The following DOCK5 variants were observed in gnomAD, a reference collection of about 807,000 sequenced individuals.
The protein encoded by DOCK5 is dedicator of cytokinesis protein 5.
In DOCK5, 142 loss-of-function variants were observed where a neutral mutation model predicts 251.8. The ratio of observed to expected loss-of-function variants is 0.56; its 90% CI spans 0.49 to 0.65. The LOEUF is 0.65. Ranked by LOEUF, DOCK5 falls within the 30% of genes least tolerant of loss-of-function variation. The probability of loss-of-function intolerance (pLI) is 0.00; values close to 1 mark genes in which losing one functional copy is unlikely to be tolerated. For synonymous variants in DOCK5, 842 were observed against 835.5 expected, an observed-to-expected ratio of 1.01 and a Z score of -0.13; for missense variants, 2,111 against 2,312.3, an observed-to-expected ratio of 0.91 and a Z score of 1.79.
chr8:25,224,066 T>TCATGCTTTC (rs975898431), intron 1 of DOCK5, among the ~76,000 whole-genome samples: 12 of 152,208 alleles, frequency 7.9e-5, no homozygotes, highest in Non-Finnish European at 1.8e-4. Context: ...TATCCTTTTT[T>TCATGCTTTC]CATGCTTTCC....
intron 27 of DOCK5, among the ~76,000 whole-genome samples, chr8:25,356,126 G>A (rs1356209419): frequency 4.6e-5 from 7 of 151,814 alleles, no homozygotes; most frequent in Admixed American, 1.3e-4. Flanking sequence ...CTTGAACCCC[G>A]GAGGCAGAGC....
chr8:25,348,810 C>T (rs1303246119), intron 26 of DOCK5, among the ~76,000 whole-genome samples: 1 of 150,730 alleles, frequency 6.6e-6, no homozygotes, highest in African/African-American at 2.5e-5. Flanking sequence ...TGCACTCCAG[C>T]TTGGGCAACA....
At chr8:25,391,772 A>AT in intron 42 of DOCK5, 124 bp from the exon 43 acceptor site, 1 of 673,214 alleles carries the variant, frequency 1.5e-6, no homozygotes, top group South Asian at 2.2e-5. Context: ...GGCACTATTG[A>AT]TTATGAGATA....
rs182135721 is a variant in DOCK5, at chr8:25,231,083, T to A, written c.44-12591T>A. Among the ~76,000 whole-genome samples the A allele has an allele frequency of 2.6e-3, 396 of 152,244 alleles. 3 individuals carry two copies. Among genetic ancestry groups the A allele is most frequent in the African/African-American group, 9.0e-3 (375 of 41,550 alleles). On this transcript the variant is annotated intron_variant, in intron 1 of 51. Transcript: ENST00000276440. ...TTTCCTCCTTTTTTTTCTGTAGTTT[T>A]ATCATCCATACACATATGTATATGC...
intron 3 of DOCK5, among the ~76,000 whole-genome samples, chr8:25,271,974 C>T (rs1803924003): frequency 1.3e-5 from 2 of 152,194 alleles, no homozygotes; most frequent in African/African-American, 4.8e-5. Context: ...AACAAATACA[C>T]ACATACTGTA....
chr8:25,296,094 A>G (rs1230739994), intron 6 of DOCK5, among the ~76,000 whole-genome samples: 1 of 152,214 alleles, frequency 6.6e-6, no homozygotes, highest in African/African-American at 2.4e-5. Flanking sequence ...TGCTAGGATT[A>G]CAGACGTGAA....
chr8:25,331,671 T>G (rs1007634161), intron 18 of DOCK5, among the ~76,000 whole-genome samples: 13 of 151,980 alleles, frequency 8.6e-5, no homozygotes, highest in African/African-American at 3.1e-4. Flanking sequence ...TAAAATTCCA[T>G]TTCTACCTCT....
intron 18 of DOCK5, among the ~76,000 whole-genome samples, chr8:25,330,529 A>G (rs903290551): frequency 1.3e-5 from 2 of 152,124 alleles, no homozygotes; most frequent in Admixed American, 6.6e-5. Flanking sequence ...TAGTGATTGG[A>G]TTTCTCTGAC....
chr8:25,388,972 C>G, intron 40 of DOCK5, 119 bp from the exon 41 acceptor site: 1 of 915,624 alleles, frequency 1.1e-6, no homozygotes, highest in South Asian at 1.7e-5. Flanking sequence ...TCAGTGAGAA[C>G]TTGATGGTGG....
chr8:25,352,118 T>G (rs1586353579), intron 27 of DOCK5, among the ~76,000 whole-genome samples: 1 of 145,952 alleles, frequency 6.9e-6, no homozygotes. Flanking sequence ...GAGGCTAAGG[T>G]GGGAGGATCA....
In DOCK5 at chr8:25,231,829, A is replaced by AT. The variant is rs548468578; in HGVS notation, c.44-11837dup. Among the ~76,000 whole-genome samples the AT allele has an allele frequency of 3.5e-3, 532 of 151,980 alleles. 1 individual carries two copies. Among genetic ancestry groups the AT allele is most frequent in the Middle Eastern group, 6.8e-3 (2 of 294 alleles). On this transcript the variant is annotated intron_variant, in intron 1 of 51. Transcript: ENST00000276440. ...GGTGTTTTCTAGATGTGTATGATGGATTTTTTTTCTACTTTGCTGACAGGT... is the reference window on the plus strand; with the variant it reads ...GGTGTTTTCTAGATGTGTATGATGGATTTTTTTTTCTACTTTGCTGACAGGT...
chr8:25,323,119 G>A (rs533649893), intron 16 of DOCK5, among the ~76,000 whole-genome samples: 5 of 152,148 alleles, frequency 3.3e-5, no homozygotes, highest in South Asian at 2.1e-4. Flanking sequence ...CAGGGGACCC[G>A]GTGAGTTCAG....
chr8:25,259,204 T>C (rs1207761026), intron 2 of DOCK5, among the ~76,000 whole-genome samples: 1 of 152,158 alleles, frequency 6.6e-6, no homozygotes, highest in Non-Finnish European at 1.5e-5. Flanking sequence ...GGTGTGCCTA[T>C]GCGTGTGTGT....
At chr8:25,259,044 G>A (rs972385578) in intron 2 of DOCK5, among the ~76,000 whole-genome samples, 3 of 151,860 alleles carry the variant, frequency 2.0e-5, no homozygotes, top group Non-Finnish European at 4.4e-5. Flanking sequence ...GCTTGAGCCC[G>A]GGGGGGCGGA....
chr8:25,222,116 G>A (rs1178231928), intron 1 of DOCK5, among the ~76,000 whole-genome samples: 2 of 152,148 alleles, frequency 1.3e-5, no homozygotes, highest in Admixed American at 6.5e-5. Flanking sequence ...GGATGAGTTC[G>A]TGATCTCGCT....
chr8:25,346,493 T>TG (rs1800369065), intron 26 of DOCK5, among the ~76,000 whole-genome samples: 1 of 152,060 alleles, frequency 6.6e-6, no homozygotes, highest in South Asian at 2.1e-4. Flanking sequence ...TTTCTCATCT[T>TG]GCGTTTTCTC....
chr8:25,368,769 G>C, intron 33 of DOCK5, 44 bp downstream of exon 33: 1 of 1,571,278 alleles, frequency 6.4e-7, no homozygotes, highest in Non-Finnish European at 8.7e-7. Flanking sequence ...TGGACATATA[G>C]TCAAATCATA....
In DOCK5 at chr8:25,184,903, G is replaced by A; in HGVS notation, c.-6G>A. On this transcript the variant is annotated 5_prime_UTR_variant, in exon 1 of 52. Coordinates refer to ENST00000276440, the MANE Select transcript of DOCK5 (RefSeq NM_024940.8). ...GTCGCCGCCGCCGCGGGGCGAGGTC[G>A]CCGCCATGGCCCGCTGGATCCCGAC... 3 of 1,412,910 alleles carry A rather than the reference G, an allele frequency of 2.1e-6. No homozygotes were observed. Among genetic ancestry groups the A allele is most frequent in the South Asian group, 3.2e-5 (2 of 62,018 alleles). 87.5% of individuals were successfully genotyped at this position (1,412,910 alleles called of 1,614,324 possible).
intron 48 of DOCK5, among the ~76,000 whole-genome samples, chr8:25,405,750 CAT>C (rs990966195): frequency 2.0e-5 from 3 of 151,988 alleles, no homozygotes; most frequent in African/African-American, 7.2e-5. Flanking sequence ...TTGCCAGAAA[CAT>C]AAAATGCCTT....
Sources: gnomAD v4.1 joint callset for allele counts (sites outside exome capture counted in the v4.1 genomes callset) on GRCh38, gnomAD v4.1.1 for gene constraint, MANE v1.5 for transcripts, NCBI Gene and HGNC (gene_info 2026-07-23, HGNC 2026-07-21) for gene names.